The following SLC38A4 variants were observed in gnomAD, a reference collection of about 807,000 sequenced individuals.
The protein encoded by SLC38A4 is sodium-coupled neutral amino acid transporter 4.
Under a neutral mutation model 63.1 loss-of-function variants are expected in SLC38A4, and 20 were observed. The ratio of observed to expected loss-of-function variants is 0.32; its 90% confidence interval spans 0.22 to 0.46. SLC38A4 has a LOEUF of 0.46. Ranked by LOEUF, SLC38A4 falls within the 20% of genes least tolerant of loss-of-function variation. The pLI is 1.00. For missense variants in SLC38A4, 526 were observed against 663.6 expected, an observed-to-expected ratio of 0.79 and a Z score of 2.28; for synonymous variants, 230 against 225.5, an observed-to-expected ratio of 1.02 and a Z score of -0.18.
intron 1 of SLC38A4, among the ~76,000 whole-genome samples, chr12:46,811,337 G>A (rs948123010): frequency 6.6e-6 from 1 of 151,944 alleles, no homozygotes; most frequent in Non-Finnish European, 1.5e-5. Context: ...ACTTGAAAGG[G>A]GCAGAGAAGC....
chr12:46,815,650 A>G (rs1939428943), intron 1 of SLC38A4, among the ~76,000 whole-genome samples: 1 of 151,838 alleles, frequency 6.6e-6, no homozygotes, highest in South Asian at 2.1e-4. Flanking sequence ...AAGGGAATCT[A>G]TTCATAAGCA....
In SLC38A4 at chr12:46,766,527, G is replaced by T; in HGVS notation, c.*174C>A. On this transcript the variant is annotated 3_prime_UTR_variant, in exon 17 of 17. Coordinates refer to ENST00000266579, the MANE Select transcript of SLC38A4 (RefSeq NM_018018.5). ...TTTAAACACATACACAACCATCCTT[G>T]ACAAAAACAGTGATTTTCCTCTTCT... 1 of 685,892 alleles carries T rather than the reference G, an allele frequency of 1.5e-6. No homozygotes were observed. Among genetic ancestry groups the T allele is most frequent in the South Asian group, 1.5e-5 (1 of 66,604 alleles). 42.5% of individuals were successfully genotyped at this position (685,892 alleles called of 1,614,324 possible).
chr12:46,785,281 G>T, intron 5 of SLC38A4, 104 bp from the exon 6 acceptor site: 1 of 933,312 alleles, frequency 1.1e-6, no homozygotes, highest in South Asian at 1.6e-5. Context: ...TCAATCATCA[G>T]CTTTCCAAAA....
chr12:46,800,070 T>A (rs1015945400), intron 2 of SLC38A4, among the ~76,000 whole-genome samples: 2 of 152,180 alleles, frequency 1.3e-5, no homozygotes. Flanking sequence ...AAAATTTTCA[T>A]AGGCATAGAT....
intron 14 of SLC38A4, among the ~76,000 whole-genome samples, chr12:46,772,652 C>G (rs1252993552): frequency 6.6e-6 from 1 of 151,964 alleles, no homozygotes; most frequent in Non-Finnish European, 1.5e-5. Flanking sequence ...CAAGCAGTTA[C>G]TATGCACCTT....
At chr12:46,831,429 T>C (rs1046970484) in intron 1 of SLC38A4, among the ~76,000 whole-genome samples, 1 of 152,246 alleles carries the variant, frequency 6.6e-6, no homozygotes, top group Non-Finnish European at 1.5e-5. Flanking sequence ...TAGGCTTCTC[T>C]TAGCTCGGTT....
rs142907059 is a variant in SLC38A4, at chr12:46,768,924, T to C, written c.1444+360A>G. Among the ~76,000 whole-genome samples the C allele has an allele frequency of 2.0e-3, 301 of 152,236 alleles. 1 individual carries two copies. Among genetic ancestry groups the C allele is most frequent in the Middle Eastern group, 6.8e-3 (2 of 294 alleles). On this transcript the variant is annotated intron_variant, in intron 15 of 16. Coordinates refer to ENST00000266579, the MANE Select transcript of SLC38A4 (RefSeq NM_018018.5). ...ATACCTTTCAATGTTCAGCTGATAC[T>C]CGTAGTATCAGAGAGCTTCTGGCAG...
At chr12:46,807,202 C>A (rs1211263447) in intron 1 of SLC38A4, among the ~76,000 whole-genome samples, 3 of 151,972 alleles carry the variant, frequency 2.0e-5, no homozygotes, top group Non-Finnish European at 4.4e-5. Context: ...TTTTTTAATA[C>A]TTTTGTAATG....
At chr12:46,794,779 A>G (rs1490187371) in intron 2 of SLC38A4, among the ~76,000 whole-genome samples, 3 of 151,874 alleles carry the variant, frequency 2.0e-5, no homozygotes, top group Non-Finnish European at 4.4e-5. Context: ...AGGGTGAGAC[A>G]AAACAGAAAG....
At chr12:46,775,260 G>A in intron 13 of SLC38A4, 87 bp from the exon 14 acceptor site, 1 of 1,480,742 alleles carries the variant, frequency 6.8e-7, no homozygotes, top group Non-Finnish European at 9.0e-7. Flanking sequence ...AGAGAACACA[G>A]AACAGAGGAA....
At chr12:46,769,484 T>C (rs1938366941) in intron 14 of SLC38A4, 56 bp from the exon 15 acceptor site, 1 of 1,559,680 alleles carries the variant, frequency 6.4e-7, no homozygotes, top group African/African-American at 1.4e-5. Flanking sequence ...CTTTATCTAT[T>C]ACTTCAAATA....
intron 1 of SLC38A4, among the ~76,000 whole-genome samples, chr12:46,821,947 G>T (rs1448438243): frequency 1.3e-5 from 2 of 152,016 alleles, no homozygotes; most frequent in Non-Finnish European, 2.9e-5. Context: ...CTATAAACGT[G>T]ATTGTTTTGT....
intron 1 of SLC38A4, among the ~76,000 whole-genome samples, chr12:46,808,706 A>G (rs1939284488): frequency 6.6e-6 from 1 of 152,060 alleles, no homozygotes; most frequent in Non-Finnish European, 1.5e-5. Flanking sequence ...AACAAGGTCT[A>G]TAGGACTTAT....
chr12:46,831,458 G>A (rs1444349133), intron 1 of SLC38A4, among the ~76,000 whole-genome samples: 3 of 152,066 alleles, frequency 2.0e-5, no homozygotes, highest in African/African-American at 7.2e-5. Flanking sequence ...CCCACTATCC[G>A]TCCCCGTTCG....
chr12:46,811,871 A>C (rs573234496), intron 1 of SLC38A4, among the ~76,000 whole-genome samples: 1 of 144,088 alleles, frequency 6.9e-6, no homozygotes, highest in Admixed American at 6.7e-5. Flanking sequence ...GATGTAAACT[A>C]TGTCAAAAAA....
intron 13 of SLC38A4, among the ~76,000 whole-genome samples, chr12:46,776,502 G>C (rs73283908): frequency 2.0e-3 from 303 of 152,130 alleles, no homozygotes; most frequent in African/African-American, 7.1e-3. Context: ...ATTCAAACTT[G>C]AGGACCTGGC....
intron 2 of SLC38A4, 32 bp from the exon 3 acceptor site, chr12:46,793,215 AT>A: frequency 2.0e-6 from 1 of 508,240 alleles, no homozygotes; most frequent in Middle Eastern, 2.9e-4. Flanking sequence ...CATCATTATA[AT>A]TTTATTTAAA....
At chr12:46,778,873 G>A in intron 10 of SLC38A4, 97 bp from the exon 11 acceptor site, 2 of 1,109,162 alleles carry the variant, frequency 1.8e-6, no homozygotes. Flanking sequence ...TGGGGGGTGA[G>A]GGAACTCAGT....
chr12:46,778,681 C>G lies in SLC38A4; in HGVS notation c.813G>C (p.Val271=). The G allele has an allele frequency of 6.2e-7, 1 of 1,612,806 alleles. No homozygotes were observed. The highest frequency in any genetic ancestry group is 8.5e-7 in the Non-Finnish European group (1 of 1,179,324). Residue 271 remains valine (V), a synonymous_variant, in exon 11 of 17, where the codon GTG becomes GTC. Transcript: ENST00000266579. ...TCTCAGAGTTGTTGGGTAACATTAC[C>G]ACATGCATTGGAAGCGTGTTGTTGA... The part of the protein sequence containing the change: ...LSFNNTLPMH[V]VMLPNNSESS...
Sources: gnomAD v4.1 joint callset for allele counts (sites outside exome capture counted in the v4.1 genomes callset) on GRCh38, gnomAD v4.1.1 for gene constraint, MANE v1.5 for transcripts, NCBI Gene and HGNC (gene_info 2026-07-23, HGNC 2026-07-21) for gene names.